Variants in RALYL observed in about 807,000 individuals in gnomAD.
The protein encoded by RALYL is RNA-binding Raly-like protein.
RALYL carries 29 observed loss-of-function variants against 35.1 expected under a neutral mutation model. The ratio of observed to expected loss-of-function variants is 0.83; its 90% confidence interval spans 0.61 to 1.13. The LOEUF (loss-of-function observed/expected upper bound fraction) is 1.13, where lower values mean the gene tolerates loss of function less well. Ranked by LOEUF, RALYL falls within the 50% of genes most tolerant of loss-of-function variation. RALYL has a pLI of 0.00. For synonymous variants in RALYL, 120 were observed against 127.6 expected (o/e 0.94, Z 0.40); for missense variants, 359 against 360.4 (o/e 1.00, Z 0.03).
At chr8:84,836,397 C>T (rs1438284037) in intron 4 of RALYL, among the ~76,000 whole-genome samples, 3 of 152,142 alleles carry the variant, frequency 2.0e-5, no homozygotes, top group South Asian at 2.1e-4. Context: ...TCACCAGTAG[C>T]GAGGAACTCT....
chr8:84,342,866 C>T (rs1346935229), intron 1 of RALYL, among the ~76,000 whole-genome samples: 2 of 152,046 alleles, frequency 1.3e-5, no homozygotes, highest in African/African-American at 4.8e-5. Context: ...ACAAGTAGAA[C>T]TCCTGTTAGG....
chr8:84,551,758 T>C (rs2060734961), intron 2 of RALYL, among the ~76,000 whole-genome samples: 1 of 152,174 alleles, frequency 6.6e-6, no homozygotes, highest in African/African-American at 2.4e-5. Flanking sequence ...TTCTTGGCTG[T>C]ATTTCTATCT....
chr8:84,306,913 C>T (rs1481736548), intron 1 of RALYL, among the ~76,000 whole-genome samples: 1 of 152,124 alleles, frequency 6.6e-6, no homozygotes, highest in South Asian at 2.1e-4. Flanking sequence ...GAACTTTTCC[C>T]AGTCTTAGCA....
At chr8:84,802,641 G>GCAAA (rs1406691411) in intron 3 of RALYL, among the ~76,000 whole-genome samples, 1 of 152,108 alleles carries the variant, frequency 6.6e-6, no homozygotes, top group African/African-American at 2.4e-5. Flanking sequence ...AAATACTACT[G>GCAAA]CAAACAAACA....
rs1809391927 is a variant in RALYL, at chr8:84,749,328, T to TC, written c.257-25251_257-25250insC. Among the ~76,000 whole-genome samples, 4 of 152,058 alleles carry TC rather than the reference T, an allele frequency of 2.6e-5. No homozygotes were observed. The South Asian group carries it at 8.3e-4, about 32-fold the overall frequency. ...GCCTGATATATTTGCTTGTACCAAT[T>TC]TTTTTTATAGACTTCTGGCCATATG... On this transcript the variant is annotated intron_variant, in intron 2 of 8. Coordinates refer to ENST00000521268, the MANE Select transcript of RALYL (RefSeq NM_173848.7).
intron 1 of RALYL, among the ~76,000 whole-genome samples, chr8:84,350,009 C>T (rs1271178433): frequency 6.6e-6 from 1 of 150,538 alleles, no homozygotes; most frequent in African/African-American, 2.5e-5. Context: ...ATACAAGTGT[C>T]TCTTGATTTT....
intron 1 of RALYL, among the ~76,000 whole-genome samples, chr8:84,329,981 C>T (rs1846515561): frequency 1.3e-5 from 2 of 151,666 alleles, no homozygotes; most frequent in Admixed American, 1.3e-4. Flanking sequence ...GAAAGACAAA[C>T]TGGAAAATCA....
At chr8:84,257,424 T>G (rs1304790832) in intron 1 of RALYL, among the ~76,000 whole-genome samples, 1 of 152,062 alleles carries the variant, frequency 6.6e-6, no homozygotes, top group Non-Finnish European at 1.5e-5. Context: ...ATGCCTGGAG[T>G]TGAAGGGTCA....
intron 3 of RALYL, among the ~76,000 whole-genome samples, chr8:84,801,337 A>G (rs367976011): frequency 6.6e-6 from 1 of 152,340 alleles, no homozygotes; most frequent in East Asian, 1.9e-4. Context: ...TTCATGAACC[A>G]TCGGCAACAT....
intron 2 of RALYL, among the ~76,000 whole-genome samples, chr8:84,536,064 C>T (rs180965880): frequency 4.0e-4 from 61 of 152,180 alleles, no homozygotes; most frequent in Non-Finnish European, 7.1e-4. Context: ...TCAGTAAGTG[C>T]GTTTCAGGGC....
chr8:84,539,884 A>ATG (rs1387631446), intron 2 of RALYL, among the ~76,000 whole-genome samples: 3 of 80,688 alleles, frequency 3.7e-5, no homozygotes, highest in Admixed American at 1.2e-4. Context: ...ATATGTATAT[A>ATG]TATGTGTGTG....
At chr8:84,822,144 G>A (rs1828677609) in intron 4 of RALYL, among the ~76,000 whole-genome samples, 6 of 152,110 alleles carry the variant, frequency 3.9e-5, no homozygotes, top group Admixed American at 1.3e-4. Context: ...CATGCAAGTG[G>A]TATTTCAGTT....
chr8:84,396,706 A>G (rs1861821598), intron 1 of RALYL, among the ~76,000 whole-genome samples: 1 of 151,884 alleles, frequency 6.6e-6, no homozygotes, highest in Admixed American at 6.6e-5. Flanking sequence ...GAGATTAGCA[A>G]CTCTGAAATT....
chr8:84,564,770 A>T (rs1420663477), intron 2 of RALYL, among the ~76,000 whole-genome samples: 1 of 151,642 alleles, frequency 6.6e-6, no homozygotes, highest in African/African-American at 2.4e-5. Context: ...TCGTATTTAT[A>T]TTAGTGTGAC....
intron 4 of RALYL, among the ~76,000 whole-genome samples, chr8:84,822,808 A>T (rs939631065): frequency 2.6e-5 from 4 of 152,194 alleles, no homozygotes; most frequent in African/African-American, 9.6e-5. Flanking sequence ...ACTACAAATC[A>T]GGGGTTAAAA....
At chr8:84,692,777 G>A (rs1838321564) in intron 2 of RALYL, among the ~76,000 whole-genome samples, 1 of 151,980 alleles carries the variant, frequency 6.6e-6, no homozygotes, top group Non-Finnish European at 1.5e-5. Context: ...GGTTGTAGCA[G>A]TGACAGTGAT....
chr8:84,759,096 G>T (rs1182154119), intron 2 of RALYL, among the ~76,000 whole-genome samples: 1 of 151,938 alleles, frequency 6.6e-6, no homozygotes, highest in Non-Finnish European at 1.5e-5. Context: ...CTCATATCAT[G>T]GCACTATGAC....
chr8:84,433,947 A>G (rs1039530087), intron 1 of RALYL, among the ~76,000 whole-genome samples: 1 of 151,766 alleles, frequency 6.6e-6, no homozygotes, highest in Non-Finnish European at 1.5e-5. Flanking sequence ...GGGTACCTCA[A>G]TTGGTCAGCT....
chr8:84,581,793 C>T (rs187221534), intron 2 of RALYL, among the ~76,000 whole-genome samples: 232 of 151,988 alleles, frequency 1.5e-3, no homozygotes, highest in Admixed American at 2.7e-3. Context: ...ACATAGTAAG[C>T]CAAGTATCTT....
Sources: allele counts gnomAD v4.1 joint callset (sites outside exome capture counted in the v4.1 genomes callset), GRCh38; gene constraint gnomAD v4.1.1; transcripts MANE v1.5; gene names NCBI Gene and HGNC (gene_info 2026-07-23, HGNC 2026-07-21).